BCR: variants seen among roughly 807,000 people sequenced by gnomAD.
The protein encoded by BCR is BCR activator of RhoGEF and GTPase, also known as breakpoint cluster region protein.
A neutral mutation model predicts 138.6 loss-of-function variants in BCR; 58 were observed. The observed-to-expected ratio is 0.42, with a 90% CI of 0.34 to 0.52. The LOEUF is 0.52. Among genes scored for constraint, BCR ranks in the 20% least tolerant of loss-of-function variants. The pLI is 0.06. For missense variants in BCR, 1,599 were observed against 1,727.2 expected (o/e 0.93, Z 1.32); for synonymous variants, 786 against 730.1 (o/e 1.08, Z -1.23).
At chr22:23,279,434 C>T (rs1030062819) in intron 8 of BCR, among the ~76,000 whole-genome samples, 5 of 152,220 alleles carry the variant, frequency 3.3e-5, no homozygotes, top group Admixed American at 6.5e-5. Flanking sequence ...CACTGCCAAA[C>T]CTCTGGAGTC....
intron 1 of BCR, among the ~76,000 whole-genome samples, chr22:23,246,853 C>T (rs1484399476): frequency 2.6e-5 from 4 of 151,980 alleles, no homozygotes; most frequent in Admixed American, 6.6e-5. Flanking sequence ...TATTCCCTGA[C>T]CTTACCTGAG....
In BCR at chr22:23,181,536, CGACAAAGAGGTGTCG is replaced by C; in HGVS notation, c.580_594del (p.Lys194_Asp198del). On this transcript the variant is annotated inframe_deletion, in exon 1 of 23. Coordinates refer to ENST00000305877, the MANE Select transcript of BCR (RefSeq NM_004327.4). Reference sequence around the variant, plus strand: ...ACGAGCGCGGCCTGGTGAAGGTCAACGACAAAGAGGTGTCGGACCGCATCAGCTCCCTGGGCAGCC... The same window carrying C: ...ACGAGCGCGGCCTGGTGAAGGTCAACGACCGCATCAGCTCCCTGGGCAGCC... 2 of 1,612,968 alleles carry C rather than the reference CGACAAAGAGGTGTCG, an allele frequency of 1.2e-6. No homozygotes were observed. Among genetic ancestry groups the C allele is most frequent in the Non-Finnish European group, 1.7e-6 (2 of 1,179,966 alleles).
rs1324635571 is a variant in BCR at position 23,317,921 on chromosome 22, T to A, written c.*2399T>A. The A allele has an allele frequency of 6.7e-6, 1 of 149,740 alleles. No individual in the cohort carries two copies. Among genetic ancestry groups the A allele is most frequent in the African/African-American group, 2.5e-5 (1 of 39,400 alleles). 9.3% of individuals were successfully genotyped at this position (149,740 alleles called of 1,614,324 possible). A position where few individuals can be genotyped will look rare whatever the true frequency, so the allele number is the denominator to read the frequency against. ...TGCTTTTTTGCCTTGGGCCCTGGGT[T>A]TGAAGCAGCCTGGCTTTCTCTTGGT... On this transcript the variant is annotated 3_prime_UTR_variant, in exon 23 of 23. Transcript: ENST00000305877.
At chr22:23,237,072 G>A (rs1448496716) in intron 1 of BCR, among the ~76,000 whole-genome samples, 1 of 152,202 alleles carries the variant, frequency 6.6e-6, no homozygotes, top group Non-Finnish European at 1.5e-5. Flanking sequence ...TCCCAGGATC[G>A]TGGAGTTCTT....
At chr22:23,290,818 A>G (rs7290513) in intron 14 of BCR, 1 of 226,004 alleles carries the variant, frequency 4.4e-6, no homozygotes, top group Non-Finnish European at 9.0e-6. Flanking sequence ...CTGGATGGAT[A>G]CTACTTTTTT....
At chr22:23,305,128 AAAG>A (rs1473271791) in intron 16 of BCR, among the ~76,000 whole-genome samples, 2 of 128,300 alleles carry the variant, frequency 1.6e-5, no homozygotes, top group Middle Eastern at 8.2e-3. Context: ...AAAAAAAAAA[AAAG>A]GTGCAGGATG....
At position 23,314,583 on chromosome 22, in the gene BCR, T is replaced by C; in HGVS notation, c.3595T>C (p.Ser1199Pro). ...AGAGAAGGAGGCAGTCAATAAGATG[T>C]CCCTGCACAACCTCGCCACGGTCTT... The part of the protein sequence containing the change: ...VAEKEAVNKM[S>P]LHNLATVFGP... Residue 1199 changes from serine to proline, a missense_variant, in exon 22 of 23, where the codon TCC becomes CCC. Transcript: ENST00000305877. 6 of 1,611,902 alleles carry C rather than the reference T, an allele frequency of 3.7e-6. No homozygotes were observed. Among genetic ancestry groups the C allele is most frequent in the Non-Finnish European group, 5.1e-6 (6 of 1,179,826 alleles).
intron 10 of BCR, among the ~76,000 whole-genome samples, chr22:23,286,718 C>T (rs2073718559): frequency 6.6e-6 from 1 of 152,100 alleles, no homozygotes; most frequent in Non-Finnish European, 1.5e-5. Context: ...TGTTGACGGT[C>T]GTCTGGTCTT....
At chr22:23,202,970 A>G (rs970512892) in intron 1 of BCR, among the ~76,000 whole-genome samples, 2 of 151,770 alleles carry the variant, frequency 1.3e-5, no homozygotes, top group African/African-American at 4.8e-5. Flanking sequence ...TGATCCTCCC[A>G]CCTCAGCCTC....
At chr22:23,311,930 C>T in intron 19 of BCR, 94 bp downstream of exon 19, 1 of 1,525,850 alleles carries the variant, frequency 6.6e-7, no homozygotes, top group Non-Finnish European at 8.8e-7. Context: ...CATGTCACAT[C>T]CTTCTCTGTG....
At position 23,288,141 on chromosome 22, in the gene BCR, G is replaced by A; in HGVS notation, c.2571G>A (p.Trp857Ter). The A allele has an allele frequency of 6.2e-7, 1 of 1,614,094 alleles. No homozygotes were observed. The change falls in exon 12 of 23, where the codon TGG (tryptophan) becomes TGA (stop). Residue 857 changes from tryptophan to a stop codon, truncating the protein, a stop_gained. Transcript: ENST00000305877. LOFTEE classifies it high-confidence loss of function. ...LISSDYERAE[W>*]RENIREQQKK... is the part of the protein sequence containing the mutation. ...CCTCTGACTATGAGCGTGCAGAGTG[G>A]AGGGAGAACATCCGGGAGCAGCAGA...
chr22:23,240,836 C>G (rs2073081685), intron 1 of BCR, among the ~76,000 whole-genome samples: 1 of 152,138 alleles, frequency 6.6e-6, no homozygotes, highest in South Asian at 2.1e-4. Context: ...TAACTCCCTC[C>G]TCCCCTCCTG....
chr22:23,196,158 C>T (rs2072478907), intron 1 of BCR, among the ~76,000 whole-genome samples: 1 of 152,094 alleles, frequency 6.6e-6, no homozygotes, highest in Non-Finnish European at 1.5e-5. Flanking sequence ...TAGTGTTAAG[C>T]CTCTAGTGTT....
chr22:23,270,946 A>G (rs2073502843), intron 5 of BCR, among the ~76,000 whole-genome samples: 1 of 152,264 alleles, frequency 6.6e-6, no homozygotes, highest in East Asian at 1.9e-4. Flanking sequence ...AGGTGGAGGT[A>G]TAATCCAGTG....
intron 1 of BCR, among the ~76,000 whole-genome samples, chr22:23,218,435 G>A (rs1209372814): frequency 6.6e-6 from 1 of 152,220 alleles, no homozygotes; most frequent in Non-Finnish European, 1.5e-5. Context: ...GGTAAAGCTG[G>A]TGGAAGCTCT....
chr22:23,316,426 C>G lies in BCR; in HGVS notation c.*904C>G, dbSNP rs1222913426. The G allele has an allele frequency of 1.2e-5, 2 of 162,302 alleles. No homozygotes were observed. Among genetic ancestry groups the G allele is most frequent in the Non-Finnish European group, 1.2e-5 (1 of 83,212 alleles). The allele number at this position is 162,302 out of a possible 1,614,324, so 10.1% of individuals were successfully genotyped here. On this transcript the variant is annotated 3_prime_UTR_variant, in exon 23 of 23. Transcript: ENST00000305877. ...CTCTCAGCTCAGTGGACTCGCTCAA[C>G]TTTTGTATAAGTCTCCACTTGGTGG...
At chr22:23,228,984 A>G (rs1000632118) in intron 1 of BCR, among the ~76,000 whole-genome samples, 2 of 152,106 alleles carry the variant, frequency 1.3e-5, no homozygotes, top group Non-Finnish European at 2.9e-5. Flanking sequence ...GACACCTGGG[A>G]CATGAAATTA....
intron 4 of BCR, chr22:23,263,047 G>A: frequency 1.3e-6 from 1 of 771,976 alleles, no homozygotes. Context: ...TGGAGGGTCA[G>A]GGCTAGGCGG....
chr22:23,303,200 CTCTG>C (rs1239100224), intron 16 of BCR, among the ~76,000 whole-genome samples: 5 of 152,268 alleles, frequency 3.3e-5, no homozygotes, highest in South Asian at 4.2e-4. Context: ...TGTTTTATGT[CTCTG>C]TCTGGGTACT....
Sources: allele counts gnomAD v4.1 joint callset (sites outside exome capture counted in the v4.1 genomes callset), GRCh38; gene constraint gnomAD v4.1.1; transcripts MANE v1.5; gene names NCBI Gene and HGNC (gene_info 2026-07-23, HGNC 2026-07-21).